Variants in TMEM178B observed in about 807,000 individuals in gnomAD.
The protein encoded by TMEM178B is transmembrane protein 178B.
TMEM178B carries 5 observed loss-of-function variants against 31.0 expected under a neutral mutation model. The ratio of observed to expected loss-of-function variants is 0.16; its 90% confidence interval spans 0.08 to 0.34. The LOEUF (loss-of-function observed/expected upper bound fraction) is 0.34, where lower values mean the gene tolerates loss of function less well. TMEM178B is among the 10% of genes least tolerant of loss of function. TMEM178B has a pLI of 1.00. For synonymous variants in TMEM178B, 164 were observed against 164.0 expected (o/e 1.00, Z 0.00); for missense variants, 275 against 400.3 (o/e 0.69, Z 2.67).
intron 1 of TMEM178B, among the ~76,000 whole-genome samples, chr7:141,167,707 C>T (rs148846132): frequency 1.7e-3 from 255 of 152,300 alleles, no homozygotes; most frequent in East Asian, 6.6e-3. Context: ...GAATGTAGGG[C>T]AGCTCTCTTC....
At position 141,426,154 on chromosome 7, in the gene TMEM178B, T is replaced by G. The variant is rs543793740; in HGVS notation, c.497-11454T>G. On this transcript the variant is annotated intron_variant, in intron 2 of 3. Transcript: ENST00000565468. ...AAATTGACTTTAAGTTGCAAATATATTTAAGTCACTGAAGTGGATCCGCTC... is the reference window on the plus strand; with the variant it reads ...AAATTGACTTTAAGTTGCAAATATAGTTAAGTCACTGAAGTGGATCCGCTC... Among the ~76,000 whole-genome samples the G allele has an allele frequency of 7.9e-5, 12 of 152,308 alleles. No individual in the cohort carries two copies. The East Asian group carries it at 2.1e-3, about 27-fold the overall frequency.
At chr7:141,493,212 C>T in the TMEM178B span, among the ~76,000 whole-genome samples, 179 of 152,268 alleles carry the variant, frequency 1.2e-3, 1 homozygote, top group Non-Finnish European at 1.9e-3. Context: ...CCCCTCCTCA[C>T]GACCCTCAGG....
intron 3 of TMEM178B, among the ~76,000 whole-genome samples, chr7:141,445,676 T>C (rs1801740658): frequency 6.6e-6 from 1 of 152,236 alleles, no homozygotes; most frequent in Non-Finnish European, 1.5e-5. Context: ...AATGACTTAC[T>C]ATGAGACAGG....
At chr7:141,159,376 G>A (rs1341087391) in intron 1 of TMEM178B, among the ~76,000 whole-genome samples, 1 of 152,092 alleles carries the variant, frequency 6.6e-6, no homozygotes, top group Non-Finnish European at 1.5e-5. Context: ...TCCTCGCTCT[G>A]GAAAACAGTA....
the TMEM178B span, among the ~76,000 whole-genome samples, chr7:141,489,102 G>A: frequency 7.7e-4 from 117 of 152,228 alleles, 1 homozygote; most frequent in African/African-American, 2.7e-3. Context: ...TGATCATGTC[G>A]AATACACAGC....
At chr7:141,293,129 T>A (rs1798575242) in intron 2 of TMEM178B, among the ~76,000 whole-genome samples, 1 of 152,172 alleles carries the variant, frequency 6.6e-6, no homozygotes, top group Non-Finnish European at 1.5e-5. Context: ...ATCACTCTTA[T>A]CTGGACAGGA....
chr7:141,289,087 T>C (rs1184988385), intron 2 of TMEM178B, among the ~76,000 whole-genome samples: 1 of 152,242 alleles, frequency 6.6e-6, no homozygotes, highest in East Asian at 1.9e-4. Flanking sequence ...TATCATTCCC[T>C]GCTTAAAAAT....
the TMEM178B span, among the ~76,000 whole-genome samples, chr7:141,495,588 G>A: frequency 1.3e-5 from 2 of 152,070 alleles, no homozygotes; most frequent in Non-Finnish European, 2.9e-5. Flanking sequence ...TGGAAATTTT[G>A]CCCCAGTTAT....
chr7:141,178,381 A>G (rs1796466694), intron 1 of TMEM178B, among the ~76,000 whole-genome samples: 5 of 152,234 alleles, frequency 3.3e-5, no homozygotes, highest in Admixed American at 3.3e-4. Context: ...ATCTGGGAAG[A>G]CATAGAAGCG....
chr7:141,464,617 C>T (rs1802118925), intron 3 of TMEM178B, among the ~76,000 whole-genome samples: 1 of 152,132 alleles, frequency 6.6e-6, no homozygotes, highest in African/African-American at 2.4e-5. Context: ...GGGATCATGT[C>T]TTATTCTTAC....
intron 2 of TMEM178B, among the ~76,000 whole-genome samples, chr7:141,224,669 G>T (rs1797311554): frequency 6.6e-6 from 1 of 152,286 alleles, no homozygotes; most frequent in East Asian, 1.9e-4. Context: ...CCAGGCTGTC[G>T]CAGGCTGAGT....
At chr7:141,495,400 A>C in the TMEM178B span, among the ~76,000 whole-genome samples, 1 of 152,210 alleles carries the variant, frequency 6.6e-6, no homozygotes, top group South Asian at 2.1e-4. Flanking sequence ...CTGGTGTGTT[A>C]AAGAATAGCA....
intron 2 of TMEM178B, among the ~76,000 whole-genome samples, chr7:141,359,738 T>G (rs10253128): frequency 0.35 from 53,296 of 152,040 alleles, 9,618 homozygotes; most frequent in African/African-American, 0.41. Context: ...CAGAACTCTT[T>G]ACTGCCTGCC....
At chr7:141,418,136 T>C (rs1286875432) in intron 2 of TMEM178B, among the ~76,000 whole-genome samples, 1 of 152,196 alleles carries the variant, frequency 6.6e-6, no homozygotes, top group African/African-American at 2.4e-5. Context: ...CTCCTCTTCA[T>C]AGAAATATAC....
chr7:141,334,355 G>C (rs918413519), intron 2 of TMEM178B, among the ~76,000 whole-genome samples: 1 of 152,180 alleles, frequency 6.6e-6, no homozygotes, highest in African/African-American at 2.4e-5. Context: ...CTCCATGCAG[G>C]TTTATTTTGC....
chr7:141,207,114 C>T (rs1796979083), intron 1 of TMEM178B, among the ~76,000 whole-genome samples: 1 of 152,178 alleles, frequency 6.6e-6, no homozygotes, highest in Non-Finnish European at 1.5e-5. Context: ...GCAAGCTTCC[C>T]TTCTTTTTAA....
chr7:141,378,571 C>G lies in TMEM178B; in HGVS notation c.497-59037C>G, dbSNP rs186847951. ...GGTGGTGGCATTGCCGGAGATGGTA[C>G]TGAGGGAGAGGCTCCTAAGCGAAGG... On this transcript the variant is annotated intron_variant, in intron 2 of 3. Transcript: ENST00000565468. 3.4e-3 allele frequency among the ~76,000 whole-genome samples: 516 copies of G among 152,296 alleles called. 4 individuals are homozygous for G. The highest frequency in any genetic ancestry group is 0.012 in the African/African-American group (485 of 41,562).
intron 2 of TMEM178B, among the ~76,000 whole-genome samples, chr7:141,397,141 G>A (rs1026492687): frequency 6.6e-6 from 1 of 152,204 alleles, no homozygotes; most frequent in African/African-American, 2.4e-5. Flanking sequence ...TTCAGTTGGT[G>A]CCTGAAGTAA....
At chr7:141,400,823 C>T (rs774796433) in intron 2 of TMEM178B, among the ~76,000 whole-genome samples, 12 of 152,170 alleles carry the variant, frequency 7.9e-5, no homozygotes, top group Non-Finnish European at 1.3e-4. Context: ...TGGTGGGACA[C>T]ACAAGAAACA....
Sources: allele counts gnomAD v4.1 joint callset (sites outside exome capture counted in the v4.1 genomes callset), GRCh38; gene constraint gnomAD v4.1.1; transcripts MANE v1.5; gene names NCBI Gene and HGNC (gene_info 2026-07-23, HGNC 2026-07-21).